NSD1: variants seen among roughly 807,000 people sequenced by gnomAD.
NSD1 encodes histone-lysine N-methyltransferase, H3 lysine-36 specific.
NSD1 carries 26 observed loss-of-function variants against 242.7 expected under a neutral mutation model. The observed-to-expected ratio is 0.11, with a 90% CI of 0.08 to 0.15. The LOEUF (loss-of-function observed/expected upper bound fraction) is 0.15. Ranked by LOEUF, NSD1 falls within the 10% of genes least tolerant of loss-of-function variation. The probability of loss-of-function intolerance (pLI) is 1.00; values close to 1 mark genes in which losing one functional copy is unlikely to be tolerated. For missense variants in NSD1, 2,495 were observed against 3,272.8 expected (o/e 0.76, Z 5.80); for synonymous variants, 1,106 against 1,178.1 (o/e 0.94, Z 1.25).
chr5:177,186,028 TA>T (rs1351469505), intron 2 of NSD1, among the ~76,000 whole-genome samples: 1 of 105,056 alleles, frequency 9.5e-6, no homozygotes, highest in African/African-American at 3.9e-5. Flanking sequence ...ATATATTATA[TA>T]TTTTTTATAT....
At chr5:177,289,096 G>T (rs1277657675) in intron 21 of NSD1, among the ~76,000 whole-genome samples, 171 bp downstream of exon 21, 1 of 152,122 alleles carries the variant, frequency 6.6e-6, no homozygotes, top group African/African-American at 2.4e-5. Context: ...GAGGTGGGCG[G>T]ATCACCTGAG....
chr5:177,179,132 G>A (rs1166974108), intron 2 of NSD1, among the ~76,000 whole-genome samples: 1 of 152,166 alleles, frequency 6.6e-6, no homozygotes, highest in African/African-American at 2.4e-5. Context: ...ATGGAACTTG[G>A]TCATAGTTTT....
chr5:177,185,880 A>ATATATATTTATATATTT (rs1430295992), intron 2 of NSD1, among the ~76,000 whole-genome samples: 2 of 84,820 alleles, frequency 2.4e-5, no homozygotes, highest in African/African-American at 1.0e-4. Flanking sequence ...TATAATTAAT[A>ATATATATTTATATATTT]TATATAATAT....
intron 20 of NSD1, 131 bp downstream of exon 20, chr5:177,284,059 A>G (rs535184395): frequency 1.7e-6 from 2 of 1,174,774 alleles, no homozygotes; most frequent in Admixed American, 3.5e-5. Flanking sequence ...GTTCATTTAC[A>G]TTTTTGTGCA....
At chr5:177,274,117 A>G (rs1227495161) in intron 17 of NSD1, among the ~76,000 whole-genome samples, 1 of 152,064 alleles carries the variant, frequency 6.6e-6, no homozygotes, top group Non-Finnish European at 1.5e-5. Flanking sequence ...TCGTGCCACT[A>G]CACTCAAGCC....
In NSD1 at chr5:177,246,673, C is replaced by T. The variant is rs763154004; in HGVS notation, c.4379-5C>T. 2.0e-4 allele frequency: 320 copies of T among 1,602,828 alleles called. No homozygotes were observed. The highest frequency in any genetic ancestry group is 2.7e-4 in the Non-Finnish European group (314 of 1,170,038). ...CAGCAGTTAACACCTATTTTCCTGTCATAGGCACTACCAAGATATTTGACA... is the reference window on the plus strand; with the variant it reads ...CAGCAGTTAACACCTATTTTCCTGTTATAGGCACTACCAAGATATTTGACA... On this transcript the variant is annotated splice_polypyrimidine_tract_variant and splice_region_variant and intron_variant, in intron 9 of 22. Transcript: ENST00000439151.
At chr5:177,267,018 C>A (rs1757543825) in intron 14 of NSD1, among the ~76,000 whole-genome samples, 1 of 152,172 alleles carries the variant, frequency 6.6e-6, no homozygotes, top group Non-Finnish European at 1.5e-5. Context: ...GCATGTGCCA[C>A]CACGCGTGGC....
At chr5:177,151,330 G>A (rs1326566042) in intron 2 of NSD1, among the ~76,000 whole-genome samples, 1 of 152,208 alleles carries the variant, frequency 6.6e-6, no homozygotes, top group Admixed American at 6.5e-5. Flanking sequence ...GTTGCAGTGA[G>A]CCAAGATTGT....
At chr5:177,220,982 G>A (rs949463036) in intron 5 of NSD1, 1 of 452,146 alleles carries the variant, frequency 2.2e-6, no homozygotes, top group South Asian at 1.6e-5. Flanking sequence ...TTGTGCCTCA[G>A]CCTCCTGAGT....
intron 2 of NSD1, among the ~76,000 whole-genome samples, chr5:177,158,297 C>CT (rs1554172559): frequency 0.012 from 1,266 of 103,908 alleles, 10 homozygotes; most frequent in Non-Finnish European, 0.015. Context: ...TTCTTTCTTT[C>CT]TTTCTTTTCT....
chr5:177,285,322 G>T (rs1401335533), intron 20 of NSD1, among the ~76,000 whole-genome samples: 1 of 152,012 alleles, frequency 6.6e-6, no homozygotes, highest in Non-Finnish European at 1.5e-5. Flanking sequence ...CCAGCACTTT[G>T]GGAGGCCAAC....
chr5:177,266,904 A>T (rs1031939786), intron 14 of NSD1, among the ~76,000 whole-genome samples: 21 of 152,206 alleles, frequency 1.4e-4, no homozygotes, highest in African/African-American at 4.8e-4. Context: ...CCTTGCTGTC[A>T]CCCTGGCTGG....
At chr5:177,159,029 TG>T (rs1186210569) in intron 2 of NSD1, among the ~76,000 whole-genome samples, 27 of 109,344 alleles carry the variant, frequency 2.5e-4, no homozygotes, top group African/African-American at 8.8e-4. Flanking sequence ...TATATATGAA[TG>T]ATATATATAT....
chr5:177,213,806 A>G (rs1043040769), intron 5 of NSD1, among the ~76,000 whole-genome samples: 3 of 152,110 alleles, frequency 2.0e-5, no homozygotes, highest in Non-Finnish European at 2.9e-5. Flanking sequence ...AGATTTGTCT[A>G]TTGTGTACAT....
At chr5:177,184,860 A>T (rs540307412) in intron 2 of NSD1, among the ~76,000 whole-genome samples, 1 of 152,220 alleles carries the variant, frequency 6.6e-6, no homozygotes, top group East Asian at 1.9e-4. Flanking sequence ...AAATGAGATT[A>T]TGTATTTATA....
At chr5:177,249,812 A>G (rs752631817) in intron 11 of NSD1, among the ~76,000 whole-genome samples, 21 of 152,162 alleles carry the variant, frequency 1.4e-4, no homozygotes, top group Non-Finnish European at 2.8e-4. Context: ...AATTGAAACC[A>G]TAGGCCAAGC....
intron 2 of NSD1, among the ~76,000 whole-genome samples, chr5:177,172,798 AT>A (rs1020707466): frequency 1.3e-5 from 2 of 151,734 alleles, no homozygotes; most frequent in East Asian, 1.9e-4. Flanking sequence ...GTCTCTAAAA[AT>A]TTTTTTTAAA....
At chr5:177,278,102 T>C (rs1758546437) in intron 17 of NSD1, among the ~76,000 whole-genome samples, 1 of 152,154 alleles carries the variant, frequency 6.6e-6, no homozygotes, top group African/African-American at 2.4e-5. Flanking sequence ...GCAAGAAGTT[T>C]CCAAACCTTA....
chr5:177,253,386 C>T (rs1756164844), intron 12 of NSD1, among the ~76,000 whole-genome samples: 1 of 152,118 alleles, frequency 6.6e-6, no homozygotes, highest in Admixed American at 6.5e-5. Context: ...TATATGTATG[C>T]ATCTGTGAAA....
Sources: gnomAD v4.1 joint callset for allele counts (sites outside exome capture counted in the v4.1 genomes callset) on GRCh38, gnomAD v4.1.1 for gene constraint, MANE v1.5 for transcripts, NCBI Gene and HGNC (gene_info 2026-07-23, HGNC 2026-07-21) for gene names.